Variants in SEL1L observed in about 807,000 individuals in gnomAD.
The protein encoded by SEL1L is SEL1L adaptor subunit of SYVN1 ubiquitin ligase.
A neutral mutation model predicts 109.8 loss-of-function variants in SEL1L; 52 were observed. The ratio of observed to expected loss-of-function variants is 0.47; its 90% CI spans 0.38 to 0.60. The LOEUF (loss-of-function observed/expected upper bound fraction) is 0.60, where lower values mean the gene tolerates loss of function less well. SEL1L is among the 20% of genes least tolerant of loss of function. The pLI, the probability that SEL1L is intolerant of heterozygous loss-of-function variation, is 0.00. For missense variants in SEL1L, 749 were observed against 962.2 expected, an observed-to-expected ratio of 0.78 and a Z score of 2.93; for synonymous variants, 373 against 339.6, an observed-to-expected ratio of 1.10 and a Z score of -1.08.
chr14:81,515,856 A>T (rs1884679586), intron 3 of SEL1L, among the ~76,000 whole-genome samples: 1 of 152,156 alleles, frequency 6.6e-6, no homozygotes, highest in Non-Finnish European at 1.5e-5. Flanking sequence ...TTGGTGTTCT[A>T]TAATAGGGAC....
At chr14:81,490,708 C>T (rs1883506844) in intron 12 of SEL1L, among the ~76,000 whole-genome samples, 1 of 152,178 alleles carries the variant, frequency 6.6e-6, no homozygotes, top group Non-Finnish European at 1.5e-5. Flanking sequence ...CAAGACCAGC[C>T]TGGCCAATAT....
chr14:81,533,529 G>A (rs1274428129), intron 1 of SEL1L, 146 bp downstream of exon 1: 4 of 769,720 alleles, frequency 5.2e-6, no homozygotes, highest in Non-Finnish European at 8.4e-6. Context: ...CGCAGGCCAA[G>A]CAAAGCCAAA....
rs1181425383 is a variant in SEL1L at position 81,473,556 on chromosome 14, CATA to C, written c.*3413_*3415del. The C allele has an allele frequency of 2.0e-5, 3 of 152,096 alleles. No homozygotes were observed. Among genetic ancestry groups the C allele is most frequent in the Non-Finnish European group, 4.4e-5 (3 of 68,010 alleles). The allele number at this position is 152,096 out of a possible 1,614,324, so 9.4% of individuals were successfully genotyped here. A position where few individuals can be genotyped will look rare whatever the true frequency, so the allele number is the denominator to read the frequency against. Reference sequence around the variant, plus strand: ...TGATCATTTCTTACATACTTCTAGTCATAATAATGTGTAATACATATATATATT... The same window carrying C: ...TGATCATTTCTTACATACTTCTAGTCATAATGTGTAATACATATATATATT... On this transcript the variant is annotated 3_prime_UTR_variant, in exon 21 of 21. Coordinates refer to ENST00000336735, the MANE Select transcript of SEL1L (RefSeq NM_005065.6).
At chr14:81,495,637 C>CA (rs1490267732) in intron 10 of SEL1L, among the ~76,000 whole-genome samples, 2 of 150,974 alleles carry the variant, frequency 1.3e-5, no homozygotes, top group African/African-American at 2.4e-5. Context: ...GATGTTTTCT[C>CA]AAAAAAACAA....
intron 3 of SEL1L, among the ~76,000 whole-genome samples, chr14:81,512,499 T>C (rs1375785865): frequency 6.6e-6 from 1 of 152,222 alleles, no homozygotes; most frequent in Non-Finnish European, 1.5e-5. Context: ...GCTCTTCTGA[T>C]GCAGGCAACA....
intron 13 of SEL1L, 90 bp downstream of exon 13, chr14:81,490,298 G>T: frequency 1.1e-6 from 1 of 897,874 alleles, no homozygotes; most frequent in Non-Finnish European, 1.8e-6. Flanking sequence ...AGCATGAGTT[G>T]GTTATGATTA....
chr14:81,484,478 C>A, intron 18 of SEL1L, 81 bp from the exon 19 acceptor site: 1 of 1,270,284 alleles, frequency 7.9e-7, no homozygotes, highest in South Asian at 1.6e-5. Flanking sequence ...CTCCCATTGA[C>A]ATGCTTACAT....
intron 3 of SEL1L, among the ~76,000 whole-genome samples, chr14:81,511,041 G>A (rs1169227907): frequency 6.6e-6 from 1 of 152,182 alleles, no homozygotes; most frequent in African/African-American, 2.4e-5. Flanking sequence ...TGTTGTCTGG[G>A]AATATGCTAT....
intron 3 of SEL1L, among the ~76,000 whole-genome samples, chr14:81,510,510 C>CTATATATATA (rs1424985040): frequency 7.3e-4 from 79 of 108,364 alleles, no homozygotes; most frequent in East Asian, 1.4e-3. Context: ...CTCTCTCTCT[C>CTATATATATA]TCTCTATATA....
At chr14:81,510,644 C>T (rs1184363919) in intron 3 of SEL1L, among the ~76,000 whole-genome samples, 1 of 151,904 alleles carries the variant, frequency 6.6e-6, no homozygotes, top group African/African-American at 2.4e-5. Context: ...CATAATTTAG[C>T]TTTGCAAATT....
At chr14:81,527,234 C>T (rs1297890962) in intron 2 of SEL1L, among the ~76,000 whole-genome samples, 3 of 152,124 alleles carry the variant, frequency 2.0e-5, no homozygotes, top group African/African-American at 7.2e-5. Context: ...TCCACATGCC[C>T]CCAACATACC....
Position 81,509,653 on chromosome 14 carries a change from T to C in SEL1L, c.341-3412A>G, listed in dbSNP as rs532972527. Among the ~76,000 whole-genome samples the C allele has an allele frequency of 2.0e-5, 3 of 152,118 alleles. No individual in the cohort carries two copies. The East Asian group carries it at 5.8e-4, about 29-fold the overall frequency. On this transcript the variant is annotated intron_variant, in intron 3 of 20. Transcript: ENST00000336735. ...AAGTAAGAAAAAGTAAAAAGCAAAA[T>C]AAAACGGAAAATATGCAGCGTCGGC...
intron 10 of SEL1L, 76 bp from the exon 11 acceptor site, chr14:81,495,213 G>A: frequency 7.5e-7 from 1 of 1,333,562 alleles, no homozygotes; most frequent in African/African-American, 1.4e-5. Context: ...AACAAGAAAT[G>A]ATTTGGTCGT....
chr14:81,533,666 G>C lies in SEL1L; in HGVS notation c.70+9C>G, dbSNP rs199851370. ...TCTGGGCCTTCAGCCCGAGGGGGCG[G>C]ATACTGACCCGAGGACGCCGAGGCC... On this transcript the variant is annotated intron_variant, in intron 1 of 20. Transcript: ENST00000336735. 2 of 1,612,132 alleles carry C rather than the reference G, an allele frequency of 1.2e-6. No homozygotes were observed. The highest frequency in any genetic ancestry group is 1.7e-4 in the Middle Eastern group (1 of 6,042).
chr14:81,487,553 A>AC lies in SEL1L; in HGVS notation c.1484-16_1484-15insG, dbSNP rs1418588859. On this transcript the variant is annotated splice_polypyrimidine_tract_variant and intron_variant, in intron 15 of 20. Coordinates refer to ENST00000336735, the MANE Select transcript of SEL1L (RefSeq NM_005065.6). Reference sequence around the variant, plus strand: ...TCCAATGCCATCTGTAAGAAAAAAAAAAATCACACGAGATAATAGACTTAA... The same window carrying AC: ...TCCAATGCCATCTGTAAGAAAAAAAACAAATCACACGAGATAATAGACTTAA... The AC allele has an allele frequency of 1.3e-6, 2 of 1,593,060 alleles. No individual in the cohort carries two copies. The highest frequency in any genetic ancestry group is 2.3e-5 in the South Asian group (2 of 86,408).
chr14:81,505,438 C>T (rs1273719187), intron 4 of SEL1L, among the ~76,000 whole-genome samples: 6 of 152,148 alleles, frequency 3.9e-5, no homozygotes, highest in African/African-American at 9.7e-5. Flanking sequence ...TACCCAGTCA[C>T]GCTGGCCTAC....
At chr14:81,490,252 A>T (rs1883486420) in intron 13 of SEL1L, 136 bp downstream of exon 13, 1 of 627,672 alleles carries the variant, frequency 1.6e-6, no homozygotes, top group African/African-American at 1.9e-5. Flanking sequence ...ATACATTCAC[A>T]TGAATCATAC....
At chr14:81,528,726 G>C (rs1885210640) in intron 1 of SEL1L, among the ~76,000 whole-genome samples, 1 of 152,100 alleles carries the variant, frequency 6.6e-6, no homozygotes, top group African/African-American at 2.4e-5. Context: ...AAATTAACCA[G>C]TAGACAAAAC....
intron 1 of SEL1L, among the ~76,000 whole-genome samples, chr14:81,533,459 G>C (rs1002954015): frequency 2.0e-5 from 3 of 152,170 alleles, no homozygotes; most frequent in African/African-American, 7.2e-5. Flanking sequence ...GAGAGGTGTG[G>C]GCAGGGTGAC....
Sources: gnomAD v4.1 joint callset for allele counts (sites outside exome capture counted in the v4.1 genomes callset) on GRCh38, gnomAD v4.1.1 for gene constraint, MANE v1.5 for transcripts, NCBI Gene and HGNC (gene_info 2026-07-23, HGNC 2026-07-21) for gene names.